Variants in CCND2 observed in about 807,000 individuals in gnomAD.
CCND2 encodes cyclin D2.
In CCND2, 6 loss-of-function variants were observed where a neutral mutation model predicts 30.2. The observed-to-expected ratio is 0.20, with a 90% CI of 0.11 to 0.39. The LOEUF is 0.39. Ranked by LOEUF, CCND2 falls within the 10% of genes least tolerant of loss-of-function variation. The pLI is 1.00. For synonymous variants in CCND2, 150 were observed against 153.1 expected (o/e 0.98, Z 0.15); for missense variants, 235 against 373.4 (o/e 0.63, Z 3.06).
At chr12:4,291,811 G>A (rs541044055) in intron 4 of CCND2, among the ~76,000 whole-genome samples, 63 of 152,270 alleles carry the variant, frequency 4.1e-4, no homozygotes, top group African/African-American at 1.5e-3. Flanking sequence ...TAACATGGGC[G>A]AACCTTGAAA....
rs67603280 is a variant in CCND2 at position 4,304,978 on chromosome 12, CTTTTT to C, written c.*4975_*4979del. ...CAGTTATGTAGTTTCTTGTCTTGGACTTTTTTTTTTCTTTTCTTTTTCTTTTTTTT... is the reference window on the plus strand; with the variant it reads ...CAGTTATGTAGTTTCTTGTCTTGGACTTTTTCTTTTCTTTTTCTTTTTTTT... On this transcript the variant is annotated 3_prime_UTR_variant, in exon 5 of 5. Coordinates refer to ENST00000261254, the MANE Select transcript of CCND2 (RefSeq NM_001759.4). The surrounding 1 kb of genome is among the most constrained non-coding windows in gnomAD (Gnocchi z 6.2). 4.6e-6 allele frequency: 1 copy of C among 217,042 alleles called. No homozygotes were observed. Among genetic ancestry groups the C allele is most frequent in the African/African-American group, 2.3e-5 (1 of 43,444 alleles). The allele number at this position is 217,042 out of a possible 1,614,324, so 13.4% of individuals were successfully genotyped here.
rs1011765572 is a variant in CCND2, at chr12:4,299,140, T to C, written c.721-720T>C. On this transcript the variant is annotated intron_variant, in intron 4 of 4. Transcript: ENST00000261254. The surrounding 1 kb of genome is among the most constrained non-coding windows in gnomAD (Gnocchi z 5.2). Reference sequence around the variant, plus strand: ...ACTTTGGGAGGCCGATGCGGGCGGATCACAAGGTCAGGAGTTCGAGGCCAG... The same window carrying C: ...ACTTTGGGAGGCCGATGCGGGCGGACCACAAGGTCAGGAGTTCGAGGCCAG... 1.1e-4 allele frequency among the ~76,000 whole-genome samples: 17 copies of C among 152,118 alleles called. No individual in the cohort carries two copies. Among genetic ancestry groups the C allele is most frequent in the Admixed American group, 1.0e-3 (16 of 15,268 alleles).
At chr12:4,284,377 C>T (rs3217834) in intron 3 of CCND2, among the ~76,000 whole-genome samples, 12,876 of 152,276 alleles carry the variant, frequency 0.085, 1,839 homozygotes, top group African/African-American at 0.29. Context: ...GATTCCACCT[C>T]CTTCTGATTC....
rs570846451 is a variant in CCND2 at position 4,289,211 on chromosome 12, G to C, written c.720+221G>C. ...AAGAAAACTCAGCAAGCAGATGAAG[G>C]GGGTGGGGGTGGGAGGGCTGTTTAC... On this transcript the variant is annotated intron_variant, in intron 4 of 4. Coordinates refer to ENST00000261254, the MANE Select transcript of CCND2 (RefSeq NM_001759.4). The C allele has an allele frequency of 2.2e-5, 6 of 278,906 alleles. No homozygotes were observed. In the South Asian group the frequency reaches 3.5e-4, roughly 16 times the overall value. The allele number at this position is 278,906 out of a possible 1,614,324, so 17.3% of individuals were successfully genotyped here.
Position 4,300,584 on chromosome 12 carries a change from G to A in CCND2, c.*575G>A. On this transcript the variant is annotated 3_prime_UTR_variant, in exon 5 of 5. Transcript: ENST00000261254. The stretch of plus-strand genomic sequence containing the variant: ...TCAGCCACCTGTTACTAAGTCAGGA[G>A]TGTAGTTGGATCTCTACATTAATGT... The A allele has an allele frequency of 4.3e-6, 1 of 234,122 alleles. No individual in the cohort carries two copies. The highest frequency in any genetic ancestry group is 6.0e-5 in the East Asian group (1 of 16,592). The allele number at this position is 234,122 out of a possible 1,614,324, so 14.5% of individuals were successfully genotyped here.
Position 4,274,727 on chromosome 12 carries a change from GAGA to G in CCND2, c.195+495_195+497del, listed in dbSNP as rs200081880. Among the ~76,000 whole-genome samples the G allele has an allele frequency of 2.5e-3, 375 of 152,342 alleles. 1 individual carries two copies. The highest frequency in any genetic ancestry group is 0.017 in the Middle Eastern group (5 of 294). On this transcript the variant is annotated intron_variant, in intron 1 of 4. Coordinates refer to ENST00000261254, the MANE Select transcript of CCND2 (RefSeq NM_001759.4). The surrounding 1 kb of genome is among the most constrained non-coding windows in gnomAD (Gnocchi z 7.7). ...TCACCGGGGAGGTGGAGGGAGGAGG[GAGA>G]AGGAGAGAAACGGGGAATTCGGGAG...
chr12:4,296,065 G>A (rs564704656), intron 4 of CCND2, among the ~76,000 whole-genome samples: 1 of 152,348 alleles, frequency 6.6e-6, no homozygotes, highest in South Asian at 2.1e-4. Context: ...TCAGGCTGCT[G>A]GAAGGGAGGG....
chr12:4,275,668 G>T (rs1189570221), intron 1 of CCND2, among the ~76,000 whole-genome samples: 1 of 151,586 alleles, frequency 6.6e-6, no homozygotes, highest in Admixed American at 6.6e-5. Context: ...CCAAAAAAGA[G>T]TGAGTGAGTT....
chr12:4,297,034 G>A (rs954936421), intron 4 of CCND2, among the ~76,000 whole-genome samples: 2 of 152,080 alleles, frequency 1.3e-5, no homozygotes, highest in Non-Finnish European at 2.9e-5. Flanking sequence ...TTCACACGGT[G>A]CTCAAGTGGA....
rs79918145 is a variant in CCND2, at chr12:4,292,676, G to A, written c.720+3686G>A. Among the ~76,000 whole-genome samples the A allele has an allele frequency of 1.8e-4, 28 of 152,308 alleles. No homozygotes were observed. The East Asian group carries it at 5.0e-3, about 27-fold the overall frequency. On this transcript the variant is annotated intron_variant, in intron 4 of 4. Transcript: ENST00000261254. ...CCTGACAGTTTTATAGGGAATAAAC[G>A]TCTCAGAGAGTGGTATATTTTAAAT...
chr12:4,297,051 G>A (rs528945580), intron 4 of CCND2, among the ~76,000 whole-genome samples: 5 of 152,088 alleles, frequency 3.3e-5, no homozygotes, highest in Non-Finnish European at 5.9e-5. Flanking sequence ...TGGAGAAAGG[G>A]CTGTCCATGT....
At chr12:4,296,302 C>G (rs574845817) in intron 4 of CCND2, among the ~76,000 whole-genome samples, 1 of 152,234 alleles carries the variant, frequency 6.6e-6, no homozygotes, top group East Asian at 1.9e-4. Flanking sequence ...AGAATAGAGC[C>G]CGTGAGGAAG....
intron 4 of CCND2, among the ~76,000 whole-genome samples, chr12:4,290,028 A>G (rs538346474): frequency 3.9e-5 from 6 of 152,316 alleles, no homozygotes; most frequent in African/African-American, 1.4e-4. Context: ...TGGGCACTTC[A>G]CGATGACACC....
rs1017773362 is a variant in CCND2, at chr12:4,273,770, G to A, written c.-271G>A. The A allele has an allele frequency of 2.5e-5, 13 of 520,722 alleles. No homozygotes were observed. Among genetic ancestry groups the A allele is most frequent in the Non-Finnish European group, 4.1e-5 (12 of 294,386 alleles). The allele number at this position is 520,722 out of a possible 1,614,324, so 32.3% of individuals were successfully genotyped here. Reference sequence around the variant, plus strand: ...GCTTGCGTCACCGCTTCAGAGCGGAGAAGAGCGAGCAGGGGAGAGCGAGAC... The same window carrying A: ...GCTTGCGTCACCGCTTCAGAGCGGAAAAGAGCGAGCAGGGGAGAGCGAGAC... On this transcript the variant is annotated 5_prime_UTR_variant, in exon 1 of 5. Transcript: ENST00000261254. The surrounding 1 kb of genome is among the most constrained non-coding windows in gnomAD (Gnocchi z 5.9).
Position 4,297,330 on chromosome 12 carries a change from G to A in CCND2, c.721-2530G>A, listed in dbSNP as rs374657433. 3.9e-5 allele frequency among the ~76,000 whole-genome samples: 6 copies of A among 152,138 alleles called. No individual in the cohort carries two copies. In the South Asian group the frequency reaches 1.0e-3, roughly 26 times the overall value. Reference sequence around the variant, plus strand: ...CTTATGCCTGTAATCCCAGTACTTCGGGAGGCCAAGGCGGGCAGATACCTG... The same window carrying A: ...CTTATGCCTGTAATCCCAGTACTTCAGGAGGCCAAGGCGGGCAGATACCTG... On this transcript the variant is annotated intron_variant, in intron 4 of 4. Coordinates refer to ENST00000261254, the MANE Select transcript of CCND2 (RefSeq NM_001759.4).
At position 4,304,032 on chromosome 12, in the gene CCND2, C is replaced by T. The variant is rs938551720; in HGVS notation, c.*4023C>T. 2 of 233,208 alleles carry T rather than the reference C, an allele frequency of 8.6e-6. No individual in the cohort carries two copies. Among genetic ancestry groups the T allele is most frequent in the African/African-American group, 4.4e-5 (2 of 45,334 alleles). The allele number at this position is 233,208 out of a possible 1,614,324, so 14.4% of individuals were successfully genotyped here. On this transcript the variant is annotated 3_prime_UTR_variant, in exon 5 of 5. Coordinates refer to ENST00000261254, the MANE Select transcript of CCND2 (RefSeq NM_001759.4). The surrounding 1 kb of genome is among the most constrained non-coding windows in gnomAD (Gnocchi z 6.2). ...CTGCAGTCTAGCACCTCTAGGGCCT[C>T]TCCAGACTGTGCCCTGGGAGCTCTG... is the stretch of plus-strand genomic sequence containing the variant.
Position 4,276,059 on chromosome 12 carries a change from C to G in CCND2, c.250C>G (p.Leu84Val). Residue 84 changes from leucine (L) to valine (V), a missense_variant, in exon 2 of 5, where the codon CTG becomes GTG. By Grantham distance (32) the Leu-to-Val change is conservative. This residue lies in a region of CCND2 where 178 missense variants were observed against 322.8 expected (regional missense o/e 0.55). Transcript: ENST00000261254. This position sits in a 1 kb window ranked among gnomAD's most constrained non-coding sequence, Gnocchi z 4.8. ...EEVFPLAMNY[L>V]DRFLAGVPTP... Reference sequence around the variant, plus strand: ...GGTCTTCCCTCTGGCCATGAATTACCTGGACCGTTTCTTGGCTGGGGTCCC... The same window carrying G: ...GGTCTTCCCTCTGGCCATGAATTACGTGGACCGTTTCTTGGCTGGGGTCCC... 1 of 1,613,750 alleles carries G rather than the reference C, an allele frequency of 6.2e-7. No homozygotes were observed. Among genetic ancestry groups the G allele is most frequent in the South Asian group, 1.1e-5 (1 of 91,062 alleles).
chr12:4,277,259 T>C (rs908425447), intron 2 of CCND2, among the ~76,000 whole-genome samples: 4 of 152,240 alleles, frequency 2.6e-5, no homozygotes, highest in African/African-American at 4.8e-5. Context: ...TGCTTTCTTC[T>C]GGGAGATCTG....
intron 4 of CCND2, among the ~76,000 whole-genome samples, chr12:4,294,336 C>T (rs1362661899): frequency 6.6e-6 from 1 of 151,968 alleles, no homozygotes; most frequent in African/African-American, 2.4e-5. Context: ...GAGGTCTGCC[C>T]GACCGCCAGC....
Sources: allele counts gnomAD v4.1 joint callset (sites outside exome capture counted in the v4.1 genomes callset), GRCh38; gene constraint gnomAD v4.1.1; regional missense constraint gnomAD v4.1.1; non-coding constraint Gnocchi (gnomAD v3.1); transcripts MANE v1.5; gene names NCBI Gene and HGNC (gene_info 2026-07-23, HGNC 2026-07-21).